GPM6B: variants seen among roughly 807,000 people sequenced by gnomAD.
GPM6B encodes glycoprotein M6B.
In GPM6B, 4 loss-of-function variants were observed where a neutral mutation model predicts 27.2. That is an observed-to-expected ratio of 0.15 (90% CI 0.07 to 0.34). The LOEUF (loss-of-function observed/expected upper bound fraction) is 0.34, where lower values mean the gene tolerates loss of function less well. GPM6B is among the 10% of genes least tolerant of loss of function. GPM6B has a pLI of 1.00. For synonymous variants in GPM6B, 124 were observed against 103.1 expected (o/e 1.20, Z -1.23); for missense variants, 183 against 261.9 (o/e 0.70, Z 2.08).
intron 1 of GPM6B, among the ~76,000 whole-genome samples, chrX:13,831,296 C>CA (rs2049437132): frequency 9.2e-6 from 1 of 108,575 alleles, no homozygotes; most frequent in South Asian, 4.2e-4. Context: ...TTTAGGGTCT[C>CA]AAAAATCTAT....
At chrX:13,896,060 C>T (rs1458394676) in intron 1 of GPM6B, among the ~76,000 whole-genome samples, 1 of 96,667 alleles carries the variant, frequency 1.0e-5, no homozygotes, top group African/African-American at 3.8e-5. Flanking sequence ...GAGGCTGAGG[C>T]AGGAGGATCT....
chrX:13,865,218 C>G (rs2049895722), intron 1 of GPM6B, among the ~76,000 whole-genome samples: 1 of 110,418 alleles, frequency 9.1e-6, no homozygotes, highest in South Asian at 3.8e-4. Flanking sequence ...TTGGAAAAGT[C>G]ACCCAACCCT....
chrX:13,932,783 T>C (rs778249673), intron 1 of GPM6B, among the ~76,000 whole-genome samples: 2 of 111,602 alleles, frequency 1.8e-5, no homozygotes, highest in African/African-American at 6.5e-5. Flanking sequence ...TCAACCCCAA[T>C]CTTTCCAGAA....
intron 1 of GPM6B, among the ~76,000 whole-genome samples, chrX:13,861,029 CACACACACACACACAT>C (rs1317132395): frequency 8.6e-4 from 73 of 84,464 alleles, no homozygotes; most frequent in African/African-American, 4.0e-3. Context: ...CACACACACA[CACACACACACACACAT>C]ATATACATAT....
At chrX:13,852,310 A>G (rs1411926235) in intron 1 of GPM6B, among the ~76,000 whole-genome samples, 1 of 111,803 alleles carries the variant, frequency 8.9e-6, no homozygotes, top group East Asian at 2.8e-4. Context: ...TTAAGTATGT[A>G]AAATTTTTAT....
At chrX:13,862,082 G>A (rs759569714) in intron 1 of GPM6B, among the ~76,000 whole-genome samples, 1 of 111,174 alleles carries the variant, frequency 9.0e-6, no homozygotes, top group Non-Finnish European at 1.9e-5. Flanking sequence ...TGCAGGGGGT[G>A]TAGTGACAGG....
intron 1 of GPM6B, among the ~76,000 whole-genome samples, chrX:13,875,402 G>A: frequency 9.0e-6 from 1 of 111,724 alleles, no homozygotes; most frequent in East Asian, 2.8e-4. Context: ...CCTAACATAG[G>A]TTTGAAAGAG....
At chrX:13,875,270 G>A (rs1273904751) in intron 1 of GPM6B, among the ~76,000 whole-genome samples, 1 of 111,276 alleles carries the variant, frequency 9.0e-6, no homozygotes, top group Non-Finnish European at 1.9e-5. Flanking sequence ...ATATGAGGAG[G>A]CAAAAGTGAA....
At chrX:13,809,228 T>C (rs758546163) in intron 1 of GPM6B, among the ~76,000 whole-genome samples, 6 of 111,973 alleles carry the variant, frequency 5.4e-5, no homozygotes, top group Non-Finnish European at 1.1e-4. Flanking sequence ...TAGAGAAGCC[T>C]GAATGTGAAC....
chrX:13,773,370 G>A (rs926721995), intron 7 of GPM6B: 1 of 151,328 alleles, frequency 6.6e-6, no homozygotes, highest in Non-Finnish European at 1.3e-5. Flanking sequence ...GCGAAAGTTC[G>A]GGAGCACATT....
In GPM6B at chrX:13,934,686, C is replaced by T. The variant is rs886216331; in HGVS notation, c.-198+3641G>A. Among the ~76,000 whole-genome samples the T allele has an allele frequency of 2.9e-4, 32 of 112,175 alleles. 1 individual carries two copies. Among genetic ancestry groups the T allele is most frequent in the African/African-American group, 9.7e-4 (30 of 30,897 alleles). On this transcript the variant is annotated intron_variant, in intron 1 of 6. Transcript: ENST00000398361. Reference sequence around the variant, plus strand: ...TTAGACCATCAGGGAGCTGTTTTCTCGTGGTTTTCAAGCATAACATTACTC... The same window carrying T: ...TTAGACCATCAGGGAGCTGTTTTCTTGTGGTTTTCAAGCATAACATTACTC...
chrX:13,865,559 A>AAAAAAAAAAAAAAAAAAAAAAGAAAG (rs34662549), intron 1 of GPM6B, among the ~76,000 whole-genome samples: 1 of 52,927 alleles, frequency 1.9e-5, no homozygotes, highest in Non-Finnish European at 3.6e-5. Flanking sequence ...AAAAAAAAAA[A>AAAAAAAAAAAAAAAAAAAAAAGAAAG]AAAGAAAGAA....
intron 2 of GPM6B, among the ~76,000 whole-genome samples, chrX:13,797,982 G>T (rs1185195520): frequency 9.1e-6 from 1 of 110,398 alleles, no homozygotes; most frequent in Non-Finnish European, 1.9e-5. Flanking sequence ...TGCTTGGGGA[G>T]AGTGGGAGCA....
chrX:13,818,681 C>T (rs924215604), upstream of GPM6B, among the ~76,000 whole-genome samples: 2 of 112,436 alleles, frequency 1.8e-5, no homozygotes, highest in African/African-American at 6.5e-5. Flanking sequence ...AGAAGTATGG[C>T]AGCCTAAAAC....
chrX:13,855,856 A>G (rs1479012856), intron 1 of GPM6B, among the ~76,000 whole-genome samples: 1 of 111,666 alleles, frequency 9.0e-6, no homozygotes, highest in African/African-American at 3.3e-5. Flanking sequence ...GGTGCAGTGA[A>G]CATGGCCAAG....
intron 6 of GPM6B, 142 bp downstream of exon 6, chrX:13,777,210 A>G (rs1207642007): frequency 2.1e-6 from 1 of 475,719 alleles, no homozygotes; most frequent in East Asian, 3.7e-5. Context: ...TGATGGTTAC[A>G]TATAGCTCTA....
chrX:13,883,968 G>C (rs1370111034), intron 1 of GPM6B, among the ~76,000 whole-genome samples: 1 of 111,895 alleles, frequency 8.9e-6, no homozygotes, highest in Non-Finnish European at 1.9e-5. Context: ...ACAAGGTCAG[G>C]AGTTCAAGAC....
At chrX:13,848,616 T>A (rs1454621235) in intron 1 of GPM6B, among the ~76,000 whole-genome samples, 1 of 112,344 alleles carries the variant, frequency 8.9e-6, no homozygotes, top group Non-Finnish European at 1.9e-5. Flanking sequence ...CAAGTGTTAG[T>A]GAGGATGTGG....
chrX:13,816,151 A>C (rs2049230579), intron 1 of GPM6B, among the ~76,000 whole-genome samples: 1 of 111,893 alleles, frequency 8.9e-6, no homozygotes, highest in Non-Finnish European at 1.9e-5. Flanking sequence ...TTATTCTCCA[A>C]AAAACCATTC....
Sources: gnomAD v4.1 joint callset for allele counts (sites outside exome capture counted in the v4.1 genomes callset) on GRCh38, gnomAD v4.1.1 for gene constraint, MANE v1.5 for transcripts, NCBI Gene and HGNC (gene_info 2026-07-23, HGNC 2026-07-21) for gene names.